Variants in ABHD17C observed in about 807,000 individuals in gnomAD.
The protein encoded by ABHD17C is abhydrolase domain containing 17C, depalmitoylase.
A neutral mutation model predicts 27.9 loss-of-function variants in ABHD17C; 11 were observed. That is an observed-to-expected ratio of 0.39 (90% CI 0.25 to 0.65). The LOEUF is 0.65. Ranked by LOEUF, ABHD17C falls within the 30% of genes least tolerant of loss-of-function variation. ABHD17C has a pLI of 0.45. For synonymous variants in ABHD17C, 233 were observed against 209.1 expected, an observed-to-expected ratio of 1.11 and a Z score of -0.98; for missense variants, 280 against 470.2, an observed-to-expected ratio of 0.60 and a Z score of 3.74.
intron 1 of ABHD17C, among the ~76,000 whole-genome samples, chr15:80,711,740 T>A (rs1445491445): frequency 6.6e-6 from 1 of 152,248 alleles, no homozygotes; most frequent in East Asian, 1.9e-4. Flanking sequence ...TGGGGACTTT[T>A]GCAGGCATTG....
intron 1 of ABHD17C, among the ~76,000 whole-genome samples, chr15:80,723,079 A>G (rs1308619982): frequency 6.6e-6 from 1 of 151,874 alleles, no homozygotes; most frequent in Non-Finnish European, 1.5e-5. Context: ...TCGTCCTGGA[A>G]CCAGTCCCCC....
At position 80,695,641 on chromosome 15, in the gene ABHD17C, C is replaced by G; in HGVS notation, c.212C>G (p.Pro71Arg). Residue 71 changes from proline to arginine, a missense_variant, in exon 1 of 3, where the codon CCG becomes CGG. Pro to Arg is a moderately radical substitution (Grantham distance 103, BLOSUM62 -2). Coordinates refer to ENST00000258884, the MANE Select transcript of ABHD17C (RefSeq NM_021214.2). This position sits in a 1 kb window ranked among gnomAD's most constrained non-coding sequence, Gnocchi z 4.3. The stretch of plus-strand genomic sequence containing the variant: ...ACCGCCGCCGCCGCCGCGGCCCAGC[C>G]GGCACCGCAGCAGCCCGAGGAGGGC... ...QATAAAAAAQPAPQQPEEGAG... is the reference protein window; with the variant it reads ...QATAAAAAAQRAPQQPEEGAG... 1 of 1,325,266 alleles carries G rather than the reference C, an allele frequency of 7.5e-7. No homozygotes were observed. The highest frequency in any genetic ancestry group is 9.6e-7 in the Non-Finnish European group (1 of 1,045,026). 82.1% of individuals were successfully genotyped at this position (1,325,266 alleles called of 1,614,324 possible).
chr15:80,701,604 G>A (rs1000353465), intron 1 of ABHD17C, among the ~76,000 whole-genome samples: 59 of 151,664 alleles, frequency 3.9e-4, no homozygotes, highest in African/African-American at 1.3e-3. Flanking sequence ...GCTTGAACCC[G>A]GGAGGCAGAG....
At chr15:80,709,559 G>A (rs1894701652) in intron 1 of ABHD17C, among the ~76,000 whole-genome samples, 1 of 151,778 alleles carries the variant, frequency 6.6e-6, no homozygotes, top group South Asian at 2.1e-4. Flanking sequence ...CCAGGATATA[G>A]TTGCATACTC....
intron 1 of ABHD17C, 69 bp downstream of exon 1, chr15:80,696,088 C>A (rs1894490576): frequency 1.4e-6 from 2 of 1,442,340 alleles, no homozygotes; most frequent in Non-Finnish European, 1.9e-6. Context: ...CTCTTGGGGC[C>A]CCTGGGGCGG....
Position 80,742,432 on chromosome 15 carries a change from C to T in ABHD17C, c.591-7081C>T, listed in dbSNP as rs921919017. Among the ~76,000 whole-genome samples the T allele has an allele frequency of 9.2e-5, 14 of 152,166 alleles. 1 individual carries two copies. Among genetic ancestry groups the T allele is most frequent in the Admixed American group, 7.9e-4 (12 of 15,266 alleles). On this transcript the variant is annotated intron_variant, in intron 1 of 2. Coordinates refer to ENST00000258884, the MANE Select transcript of ABHD17C (RefSeq NM_021214.2). ...GTTCCAGTGTCCAAGGGCAGGAGATCGATGTCCCAGCTCAAGAAGAGAGAG... is the reference window on the plus strand; with the variant it reads ...GTTCCAGTGTCCAAGGGCAGGAGATTGATGTCCCAGCTCAAGAAGAGAGAG...
chr15:80,727,195 A>T (rs753101775), intron 1 of ABHD17C, among the ~76,000 whole-genome samples: 5 of 152,222 alleles, frequency 3.3e-5, no homozygotes, highest in Non-Finnish European at 5.9e-5. Flanking sequence ...CTGAACTTTC[A>T]ATCTTTCCTT....
intron 1 of ABHD17C, among the ~76,000 whole-genome samples, chr15:80,710,047 G>A (rs1324258462): frequency 6.6e-6 from 1 of 152,164 alleles, no homozygotes; most frequent in Non-Finnish European, 1.5e-5. Context: ...ACAGGGCAAG[G>A]GCATTGGAGT....
chr15:80,736,322 A>G (rs1473706631), intron 1 of ABHD17C, among the ~76,000 whole-genome samples: 2 of 152,206 alleles, frequency 1.3e-5, no homozygotes, highest in Non-Finnish European at 2.9e-5. Flanking sequence ...AGGAACAATA[A>G]GTACATTTTA....
At chr15:80,704,857 G>A (rs1002910800) in intron 1 of ABHD17C, 3 of 152,238 alleles carry the variant, frequency 2.0e-5, no homozygotes, top group South Asian at 2.1e-4. Flanking sequence ...TCAGTAGAGT[G>A]GTGACGTCAT....
chr15:80,695,616 A>ACCGCCGCCG lies in ABHD17C; in HGVS notation c.195_203dup (p.Ala67_Ala69dup), dbSNP rs963211896. 8.6e-7 allele frequency: 1 copy of ACCGCCGCCG among 1,165,836 alleles called. No homozygotes were observed. The highest frequency in any genetic ancestry group is 1.6e-5 in the African/African-American group (1 of 61,150). The allele number at this position is 1,165,836 out of a possible 1,614,324, so 72.2% of individuals were successfully genotyped here. A position where few individuals can be genotyped will look rare whatever the true frequency, so the allele number is the denominator to read the frequency against. ...GTCCGCCCCGGCCCCGGCCCAGGCT[A>ACCGCCGCCG]CCGCCGCCGCCGCCGCGGCCCAGCC... On this transcript the variant is annotated inframe_insertion, in exon 1 of 3. Transcript: ENST00000258884. This position sits in a 1 kb window ranked among gnomAD's most constrained non-coding sequence, Gnocchi z 4.3.
At chr15:80,734,612 AAATG>A (rs1195562641) in intron 1 of ABHD17C, among the ~76,000 whole-genome samples, 4 of 152,230 alleles carry the variant, frequency 2.6e-5, no homozygotes, top group Non-Finnish European at 2.9e-5. Context: ...TAAAAAATTA[AAATG>A]AAGTCATCAT....
intron 1 of ABHD17C, among the ~76,000 whole-genome samples, chr15:80,722,362 T>A (rs1221119503): frequency 1.3e-5 from 2 of 150,792 alleles, no homozygotes; most frequent in African/African-American, 2.4e-5. Flanking sequence ...TTATCTTCAC[T>A]ATGAGAAAGG....
chr15:80,711,270 A>C (rs909116599), intron 1 of ABHD17C, among the ~76,000 whole-genome samples: 1 of 152,178 alleles, frequency 6.6e-6, no homozygotes, highest in Non-Finnish European at 1.5e-5. Flanking sequence ...TGAATCACTG[A>C]GTGACAGGTC....
At chr15:80,724,922 T>C (rs1894951845) in intron 1 of ABHD17C, among the ~76,000 whole-genome samples, 1 of 152,242 alleles carries the variant, frequency 6.6e-6, no homozygotes, top group Non-Finnish European at 1.5e-5. Flanking sequence ...TGACAATTTT[T>C]ATTACAAATC....
chr15:80,708,290 A>C (rs561787005), intron 1 of ABHD17C, among the ~76,000 whole-genome samples: 1 of 151,062 alleles, frequency 6.6e-6, no homozygotes. Flanking sequence ...ATTCTTCTCT[A>C]TTTTTTTGTT....
At chr15:80,720,319 C>T (rs1306867695) in intron 1 of ABHD17C, among the ~76,000 whole-genome samples, 1 of 151,802 alleles carries the variant, frequency 6.6e-6, no homozygotes, top group African/African-American at 2.4e-5. Flanking sequence ...CCAGTTTCTA[C>T]TTGTTCTTTC....
At chr15:80,717,118 A>ATATTTT (rs1894813409) in intron 1 of ABHD17C, among the ~76,000 whole-genome samples, 1 of 152,114 alleles carries the variant, frequency 6.6e-6, no homozygotes, top group Non-Finnish European at 1.5e-5. Context: ...TTCCCTAGTT[A>ATATTTT]TATTTTTATT....
intron 1 of ABHD17C, among the ~76,000 whole-genome samples, chr15:80,742,345 G>A (rs1444915038): frequency 6.6e-6 from 1 of 152,196 alleles, no homozygotes; most frequent in Admixed American, 6.5e-5. Flanking sequence ...GCCGGGGGGT[G>A]AAAGTGGGCA....
Sources: gnomAD v4.1 joint callset for allele counts (sites outside exome capture counted in the v4.1 genomes callset) on GRCh38, gnomAD v4.1.1 for gene constraint, Gnocchi (gnomAD v3.1) non-coding constraint, MANE v1.5 for transcripts, NCBI Gene and HGNC (gene_info 2026-07-23, HGNC 2026-07-21) for gene names.